Variants in JAM3 observed in about 807,000 individuals in gnomAD.
JAM3 encodes junctional adhesion molecule C.
JAM3 carries 31 observed loss-of-function variants against 39.4 expected under a neutral mutation model. The observed-to-expected ratio is 0.79, with a 90% CI of 0.59 to 1.06. The LOEUF (loss-of-function observed/expected upper bound fraction) is 1.06. JAM3 is among the 50% of genes least tolerant of loss of function. The pLI, the probability that JAM3 is intolerant of heterozygous loss-of-function variation, is 0.00. For synonymous variants in JAM3, 182 were observed against 148.7 expected, an observed-to-expected ratio of 1.22 and a Z score of -1.63; for missense variants, 455 against 391.4, an observed-to-expected ratio of 1.16 and a Z score of -1.37.
chr11:134,076,496 T>G (rs549118154), intron 1 of JAM3, among the ~76,000 whole-genome samples: 2 of 152,184 alleles, frequency 1.3e-5, no homozygotes, highest in Non-Finnish European at 2.9e-5. Flanking sequence ...CACAGCTGTT[T>G]TGTATTCCAT....
chr11:134,113,772 T>A (rs1199380557), intron 1 of JAM3, among the ~76,000 whole-genome samples: 1 of 152,224 alleles, frequency 6.6e-6, no homozygotes, highest in Non-Finnish European at 1.5e-5. Flanking sequence ...CGCCACACTG[T>A]CTTCCACAAC....
At chr11:134,085,302 C>G (rs1320674542) in intron 1 of JAM3, among the ~76,000 whole-genome samples, 2 of 152,110 alleles carry the variant, frequency 1.3e-5, no homozygotes, top group African/African-American at 2.4e-5. Flanking sequence ...CCATTCCAAA[C>G]TATTAATATT....
chr11:134,148,087 G>T (rs775671804), intron 6 of JAM3: 2 of 224,168 alleles, frequency 8.9e-6, no homozygotes, highest in African/African-American at 4.6e-5. Context: ...TTCTTTACTT[G>T]TTTGTTTTTT....
rs962532281 is a variant in JAM3 at position 134,149,472 on chromosome 11, G to C, written c.*291G>C. On this transcript the variant is annotated 3_prime_UTR_variant, in exon 9 of 9. Transcript: ENST00000299106. ...TGGCCTGATTCCCGCATGAGTATTAGGGTGATCTTAAAGAGTTTGCTCACG... is the reference window on the plus strand; with the variant it reads ...TGGCCTGATTCCCGCATGAGTATTACGGTGATCTTAAAGAGTTTGCTCACG... 3.0e-5 allele frequency: 17 copies of C among 560,558 alleles called. No individual in the cohort carries two copies. The highest frequency in any genetic ancestry group is 2.2e-4 in the Admixed American group (8 of 37,148). 34.7% of individuals were successfully genotyped at this position (560,558 alleles called of 1,614,324 possible). A position where few individuals can be genotyped will look rare whatever the true frequency, so the allele number is the denominator to read the frequency against.
intron 1 of JAM3, among the ~76,000 whole-genome samples, chr11:134,081,156 TATAAGAG>T (rs1349402671): frequency 6.6e-6 from 1 of 152,192 alleles, no homozygotes; most frequent in Non-Finnish European, 1.5e-5. Context: ...CATTCAGTTT[TATAAGAG>T]AAGCAGAGCA....
rs114223851 is a variant in JAM3 at position 134,135,205 on chromosome 11, T to C, written c.77-4646T>C. On this transcript the variant is annotated intron_variant, in intron 1 of 8. Coordinates refer to ENST00000299106, the MANE Select transcript of JAM3 (RefSeq NM_032801.5). ...GCTAATTTCTGTATTTGACTTAATATAAGGGTCTAACTTCATCATTGTGCA... is the reference window on the plus strand; with the variant it reads ...GCTAATTTCTGTATTTGACTTAATACAAGGGTCTAACTTCATCATTGTGCA... 7.3e-3 allele frequency among the ~76,000 whole-genome samples: 1,110 copies of C among 152,324 alleles called. 9 individuals are homozygous for C. Among genetic ancestry groups the C allele is most frequent in the African/African-American group, 0.025 (1,042 of 41,568 alleles).
intron 1 of JAM3, among the ~76,000 whole-genome samples, chr11:134,124,687 C>T (rs768143693): frequency 1.6e-4 from 25 of 151,996 alleles, no homozygotes; most frequent in Non-Finnish European, 2.8e-4. Flanking sequence ...CCTAATTTTA[C>T]TGGAGTCATT....
chr11:134,083,854 C>G (rs899712756), intron 1 of JAM3, among the ~76,000 whole-genome samples: 1 of 152,130 alleles, frequency 6.6e-6, no homozygotes, highest in Non-Finnish European at 1.5e-5. Context: ...TGGCAGAAAT[C>G]GCTGGATTTG....
intron 1 of JAM3, among the ~76,000 whole-genome samples, chr11:134,112,721 G>A (rs1202807464): frequency 6.6e-6 from 1 of 152,118 alleles, no homozygotes; most frequent in Non-Finnish European, 1.5e-5. Flanking sequence ...CTACTAATTG[G>A]TACCGGTGGA....
At chr11:134,103,206 T>A (rs1301978030) in intron 1 of JAM3, among the ~76,000 whole-genome samples, 1 of 152,176 alleles carries the variant, frequency 6.6e-6, no homozygotes, top group Admixed American at 6.5e-5. Context: ...GGGGCCAATA[T>A]TCAACATTCT....
chr11:134,093,754 C>T (rs1271525592), intron 1 of JAM3, among the ~76,000 whole-genome samples: 1 of 98,924 alleles, frequency 1.0e-5, no homozygotes, highest in African/African-American at 4.1e-5. Context: ...CATCATGTTC[C>T]ACCTTACACG....
intron 1 of JAM3, among the ~76,000 whole-genome samples, chr11:134,084,558 T>C (rs777270135): frequency 9.9e-5 from 15 of 152,132 alleles, no homozygotes; most frequent in Non-Finnish European, 1.5e-4. Context: ...CCTGTCATAG[T>C]AGTAAGCTCT....
chr11:134,147,427 C>A (rs1232322290), intron 6 of JAM3, among the ~76,000 whole-genome samples: 2 of 129,874 alleles, frequency 1.5e-5, no homozygotes, highest in African/African-American at 6.0e-5. Context: ...GAACTCCAGC[C>A]TGGGTGACGG....
chr11:134,105,493 T>G (rs550582196), intron 1 of JAM3, among the ~76,000 whole-genome samples: 1 of 152,292 alleles, frequency 6.6e-6, no homozygotes, highest in African/African-American at 2.4e-5. Flanking sequence ...TGTTGGAAGT[T>G]CTGGCCAGGG....
chr11:134,148,526 A>T (rs756778310), intron 6 of JAM3, 21 bp from the exon 7 acceptor site: 1 of 1,613,970 alleles, frequency 6.2e-7, no homozygotes, highest in Non-Finnish European at 8.5e-7. Flanking sequence ...CATGGCTTCC[A>T]CCAAACCTCC....
intron 1 of JAM3, among the ~76,000 whole-genome samples, chr11:134,129,950 C>T (rs470659): frequency 0.037 from 5,557 of 151,990 alleles, 290 homozygotes; most frequent in East Asian, 0.25. Flanking sequence ...TGCAGTGAGC[C>T]GAGATCGCGC....
chr11:134,107,798 G>A (rs1310331082), intron 1 of JAM3, among the ~76,000 whole-genome samples: 1 of 151,984 alleles, frequency 6.6e-6, no homozygotes, highest in African/African-American at 2.4e-5. Context: ...AGGAAATTGA[G>A]GCTACAGTGA....
intron 1 of JAM3, among the ~76,000 whole-genome samples, chr11:134,098,161 G>A (rs1003971541): frequency 6.6e-6 from 1 of 152,058 alleles, no homozygotes; most frequent in East Asian, 1.9e-4. Context: ...GCTCTCCAGG[G>A]GAAGAAGAGC....
intron 1 of JAM3, among the ~76,000 whole-genome samples, chr11:134,107,962 A>T (rs560296925): frequency 6.5e-4 from 99 of 152,224 alleles, no homozygotes; most frequent in Non-Finnish European, 1.3e-3. Context: ...AAAAGCAGAA[A>T]TCATGAGACT....
Sources: allele counts gnomAD v4.1 joint callset (sites outside exome capture counted in the v4.1 genomes callset), GRCh38; gene constraint gnomAD v4.1.1; transcripts MANE v1.5; gene names NCBI Gene and HGNC (gene_info 2026-07-23, HGNC 2026-07-21).